PKM: variants seen among roughly 807,000 people sequenced by gnomAD.
PKM encodes the protein pyruvate kinase M1/2, also known as pyruvate kinase PKM.
Under a neutral mutation model 49.8 loss-of-function variants are expected in PKM, and 18 were observed. That is an observed-to-expected ratio of 0.36 (90% CI 0.25 to 0.54). The LOEUF (loss-of-function observed/expected upper bound fraction) is 0.54, where lower values mean the gene tolerates loss of function less well. Ranked by LOEUF, PKM falls within the 20% of genes least tolerant of loss-of-function variation. The pLI, the probability that PKM is intolerant of heterozygous loss-of-function variation, is 0.89. For synonymous variants in PKM, 239 were observed against 261.8 expected (o/e 0.91, Z 0.84); for missense variants, 508 against 713.8 (o/e 0.71, Z 3.28).
intron 5 of PKM, among the ~76,000 whole-genome samples, chr15:72,209,269 T>C (rs928870418): frequency 6.6e-6 from 1 of 151,364 alleles, no homozygotes; most frequent in Non-Finnish European, 1.5e-5. Context: ...CTCAGGAGGC[T>C]GAGGTAGGAG....
At chr15:72,206,666 G>A in intron 8 of PKM, 62 bp downstream of exon 8, 1 of 1,528,972 alleles carries the variant, frequency 6.5e-7, no homozygotes, top group Non-Finnish European at 9.1e-7. Flanking sequence ...CTGCACCAGA[G>A]CTTGCATCCA....
At chr15:72,210,590 G>C (rs559620417) in intron 3 of PKM, 112 bp from the exon 4 acceptor site, 1 of 1,183,648 alleles carries the variant, frequency 8.4e-7, no homozygotes, top group Non-Finnish European at 1.2e-6. Context: ...GGATGTCTTA[G>C]AGCTCTATCT....
intron 1 of PKM, among the ~76,000 whole-genome samples, chr15:72,226,445 G>C (rs774079930): frequency 6.6e-6 from 1 of 152,156 alleles, no homozygotes; most frequent in Non-Finnish European, 1.5e-5. Flanking sequence ...CAGGAGAATG[G>C]CATGAACCCG....
intron 7 of PKM, 55 bp from the exon 8 acceptor site, chr15:72,206,935 ATGACAGCAAGC>A (rs2082098433): frequency 6.9e-6 from 11 of 1,598,450 alleles, no homozygotes; most frequent in Non-Finnish European, 9.4e-6. Context: ...TCAGAGACAA[ATGACAGCAAGC>A]TGATCCTCTG....
intron 1 of PKM, among the ~76,000 whole-genome samples, chr15:72,222,916 T>G (rs887327342): frequency 2.0e-5 from 3 of 152,110 alleles, no homozygotes; most frequent in African/African-American, 7.2e-5. Context: ...TGGCTTTTTA[T>G]ATTAGTTTCC....
intron 1 of PKM, among the ~76,000 whole-genome samples, chr15:72,229,911 T>TA (rs35843341): frequency 0.13 from 17,485 of 132,420 alleles, 2,419 homozygotes; most frequent in African/African-American, 0.36. Context: ...GCCGGATAAT[T>TA]AAAAAAAAAA....
chr15:72,204,433 C>T (rs1354158690), intron 8 of PKM: 3 of 152,138 alleles, frequency 2.0e-5, no homozygotes, highest in Admixed American at 1.3e-4. Flanking sequence ...GAATTTAGAC[C>T]CTGAGCCTGA....
Position 72,202,940 on chromosome 15 carries a change from T to C in PKM, c.1141-320A>G. Reference sequence around the variant, plus strand: ...AGAGGCTCTGTGCCCAGATGCCAGGTTGGGCCTGGCTGTCTTCTCCTAGAG... The same window carrying C: ...AGAGGCTCTGTGCCCAGATGCCAGGCTGGGCCTGGCTGTCTTCTCCTAGAG... On this transcript the variant is annotated intron_variant, in intron 8 of 10. Coordinates refer to ENST00000335181, the MANE Select transcript of PKM (RefSeq NM_002654.6). This position sits in a 1 kb window ranked among gnomAD's most constrained non-coding sequence, Gnocchi z 4.5. 3 of 1,386,036 alleles carry C rather than the reference T, an allele frequency of 2.2e-6. No homozygotes were observed. The highest frequency in any genetic ancestry group is 3.1e-6 in the Non-Finnish European group (3 of 980,158). The allele number at this position is 1,386,036 out of a possible 1,614,324, so 85.9% of individuals were successfully genotyped here.
At chr15:72,212,634 C>G (rs754032523) in intron 3 of PKM, among the ~76,000 whole-genome samples, 3 of 152,148 alleles carry the variant, frequency 2.0e-5, no homozygotes, top group Non-Finnish European at 4.4e-5. Flanking sequence ...CTATTATCAT[C>G]TTATAATGAT....
At chr15:72,222,832 G>T (rs980081996) in intron 1 of PKM, among the ~76,000 whole-genome samples, 2 of 152,098 alleles carry the variant, frequency 1.3e-5, no homozygotes, top group African/African-American at 2.4e-5. Flanking sequence ...GGAGTGACAG[G>T]TTGGAACAGG....
chr15:72,209,490 A>G, intron 5 of PKM, 183 bp downstream of exon 5: 1 of 508,584 alleles, frequency 2.0e-6, no homozygotes, highest in Non-Finnish European at 3.6e-6. Flanking sequence ...CCAGAACCAG[A>G]AGAATGTAAC....
At chr15:72,212,344 G>A (rs762946380) in intron 3 of PKM, among the ~76,000 whole-genome samples, 13 of 151,930 alleles carry the variant, frequency 8.6e-5, no homozygotes, top group Non-Finnish European at 1.6e-4. Flanking sequence ...GCGTGGTGGC[G>A]TGCACCTGTA....
chr15:72,229,162 G>A (rs8192354), intron 1 of PKM, among the ~76,000 whole-genome samples: 3,628 of 152,264 alleles, frequency 0.024, 139 homozygotes, highest in African/African-American at 0.084. Context: ...GAAGACAATG[G>A]ATCAAGGCCC....
chr15:72,213,966 T>C (rs950593602), intron 3 of PKM, among the ~76,000 whole-genome samples: 19 of 152,214 alleles, frequency 1.2e-4, no homozygotes, highest in African/African-American at 4.6e-4. Flanking sequence ...TTTTACTATT[T>C]TTTCCCCACA....
At chr15:72,209,396 A>AATACATAT (rs1268011418) in intron 5 of PKM, 18 of 78,982 alleles carry the variant, frequency 2.3e-4, no homozygotes, top group African/African-American at 1.0e-3. Context: ...CAGCGAAACA[A>AATACATAT]ATATATATAT....
chr15:72,219,351 CAT>C (rs2082462972), intron 1 of PKM: 3 of 453,014 alleles, frequency 6.6e-6, no homozygotes, highest in Non-Finnish European at 1.2e-5. Context: ...ACCCACTCCA[CAT>C]AGTCCCAAGC....
chr15:72,215,761 CCT>C (rs2082363903), intron 3 of PKM, among the ~76,000 whole-genome samples: 1 of 152,118 alleles, frequency 6.6e-6, no homozygotes, highest in Non-Finnish European at 1.5e-5. Flanking sequence ...TGCTCCTTCC[CCT>C]GAATGCAGGA....
chr15:72,221,253 G>A (rs1411517622), intron 1 of PKM: 161 of 1,534,870 alleles, frequency 1.0e-4, no homozygotes, highest in Middle Eastern at 3.3e-4. Context: ...AGCAAAGACC[G>A]CTCAGAGCTG....
At chr15:72,227,758 AAAAAAAAAAAAAAAAAC>A (rs1212036430) in intron 1 of PKM, among the ~76,000 whole-genome samples, 91 of 133,108 alleles carry the variant, frequency 6.8e-4, no homozygotes, top group South Asian at 4.3e-3. Context: ...AAAAAAAAAA[AAAAAAAAAAAAAAAAAC>A]AAAAAACTGA....
Sources: gnomAD v4.1 joint callset for allele counts (sites outside exome capture counted in the v4.1 genomes callset) on GRCh38, gnomAD v4.1.1 for gene constraint, Gnocchi (gnomAD v3.1) non-coding constraint, MANE v1.5 for transcripts, NCBI Gene and HGNC (gene_info 2026-07-23, HGNC 2026-07-21) for gene names.